CORIN: variants seen among roughly 807,000 people sequenced by gnomAD.
CORIN encodes the protein atrial natriuretic peptide-converting enzyme.
CORIN carries 117 observed loss-of-function variants against 125.3 expected under a neutral mutation model. That is an observed-to-expected ratio of 0.93 (90% CI 0.80 to 1.09). The LOEUF is 1.09. CORIN is among the 50% of genes least tolerant of loss of function. The pLI, the probability that CORIN is intolerant of heterozygous loss-of-function variation, is 0.00. For synonymous variants in CORIN, 450 were observed against 466.4 expected, an observed-to-expected ratio of 0.96 and a Z score of 0.45; for missense variants, 1,253 against 1,306.7, an observed-to-expected ratio of 0.96 and a Z score of 0.63.
intron 5 of CORIN, among the ~76,000 whole-genome samples, chr4:47,724,169 T>A (rs991080113): frequency 2.6e-5 from 4 of 151,862 alleles, no homozygotes; most frequent in African/African-American, 9.7e-5. Context: ...AAATTTGAAG[T>A]GAATGAAGGA....
intron 16 of CORIN, among the ~76,000 whole-genome samples, chr4:47,637,300 C>A (rs573158244): frequency 6.6e-6 from 1 of 152,094 alleles, no homozygotes; most frequent in Non-Finnish European, 1.5e-5. Flanking sequence ...TGCAGCGTGA[C>A]AATGCAATAG....
At chr4:47,768,353 GA>G (rs1729863690) in intron 3 of CORIN, among the ~76,000 whole-genome samples, 1 of 152,134 alleles carries the variant, frequency 6.6e-6, no homozygotes, top group Middle Eastern at 3.2e-3. Flanking sequence ...TTCCATCACA[GA>G]AAAGCCCAGG....
At chr4:47,665,353 C>A in intron 10 of CORIN, 90 bp from the exon 11 acceptor site, 1 of 932,832 alleles carries the variant, frequency 1.1e-6, no homozygotes, top group East Asian at 2.6e-5. Context: ...CTATTTTATT[C>A]TTTCTTTAGA....
chr4:47,736,558 G>T (rs972846010), intron 5 of CORIN, among the ~76,000 whole-genome samples: 2 of 152,096 alleles, frequency 1.3e-5, no homozygotes, highest in African/African-American at 4.8e-5. Context: ...TTGTGTCATG[G>T]GGGTTTGTTG....
chr4:47,779,690 C>G (rs765000481), intron 3 of CORIN, among the ~76,000 whole-genome samples: 15 of 152,140 alleles, frequency 9.9e-5, no homozygotes, highest in Non-Finnish European at 1.9e-4. Flanking sequence ...CCTGCCTCGG[C>G]CTCCCAAAGT....
At chr4:47,809,867 G>T (rs1319961500) in intron 1 of CORIN, among the ~76,000 whole-genome samples, 3 of 152,188 alleles carry the variant, frequency 2.0e-5, no homozygotes, top group Non-Finnish European at 4.4e-5. Context: ...GCCCTTGGAG[G>T]TTCCTCTGAA....
At chr4:47,669,351 C>G (rs555732133) in intron 10 of CORIN, among the ~76,000 whole-genome samples, 2 of 152,192 alleles carry the variant, frequency 1.3e-5, no homozygotes, top group South Asian at 2.1e-4. Context: ...CATCTAGCTG[C>G]GTATATAATA....
chr4:47,834,223 T>C (rs1344574564), intron 1 of CORIN, among the ~76,000 whole-genome samples: 1 of 152,078 alleles, frequency 6.6e-6, no homozygotes, highest in Non-Finnish European at 1.5e-5. Context: ...AAAAATGGGG[T>C]ATATATAAAC....
intron 1 of CORIN, among the ~76,000 whole-genome samples, chr4:47,833,129 A>C (rs1733142109): frequency 6.6e-6 from 1 of 151,978 alleles, no homozygotes; most frequent in Non-Finnish European, 1.5e-5. Context: ...AAGAAAAAAA[A>C]AAGCTAGAGG....
In CORIN at chr4:47,674,648, G is replaced by A. The variant is rs1256804050; in HGVS notation, c.1250-148C>T. On this transcript the variant is annotated intron_variant, in intron 9 of 21. Transcript: ENST00000273857. ...TCTCCAAAAGTATTGAACGTACGTT[G>A]AATAGGTGCTTTCTGGATTCATTTT... 1.0e-5 allele frequency: 6 copies of A among 590,158 alleles called. No homozygotes were observed. The African/African-American group carries it at 1.1e-4, about 11-fold the overall frequency. The allele number at this position is 590,158 out of a possible 1,614,324, so 36.6% of individuals were successfully genotyped here. A position where few individuals can be genotyped will look rare whatever the true frequency, so the allele number is the denominator to read the frequency against.
intron 1 of CORIN, among the ~76,000 whole-genome samples, chr4:47,837,093 C>G (rs1191532356): frequency 1.3e-5 from 2 of 152,250 alleles, no homozygotes; most frequent in Non-Finnish European, 2.9e-5. Flanking sequence ...CAACGCTGCC[C>G]CTTCCCAGGA....
At chr4:47,836,634 C>T (rs903691558) in intron 1 of CORIN, among the ~76,000 whole-genome samples, 3 of 152,348 alleles carry the variant, frequency 2.0e-5, no homozygotes, top group Admixed American at 2.0e-4. Flanking sequence ...GGGAGGAAAG[C>T]TCCACTTTAT....
At chr4:47,673,243 G>T (rs1173430759) in intron 10 of CORIN, among the ~76,000 whole-genome samples, 1 of 151,722 alleles carries the variant, frequency 6.6e-6, no homozygotes, top group African/African-American at 2.4e-5. Context: ...GGGTGTGGTG[G>T]TGTGTGCCTA....
Position 47,623,648 on chromosome 4 carries a change from ACT to A in CORIN, c.2461_2462del (p.Ser821Ter). 1 of 1,614,150 alleles carries A rather than the reference ACT, an allele frequency of 6.2e-7. No homozygotes were observed. The highest frequency in any genetic ancestry group is 1.6e-4 in the Middle Eastern group (1 of 6,062). ...AGCCACAGATATGTCCACTGGGTTC[ACT>A]CTGCAGAGAACACTGCCATGGCCAC... ...GRWPWQCSLQ[S>X]EPSGHICGCV... On this transcript the variant is annotated frameshift_variant, in exon 19 of 22. Coordinates refer to ENST00000273857, the MANE Select transcript of CORIN (RefSeq NM_006587.4). LOFTEE classifies it high-confidence loss of function.
chr4:47,706,739 G>T (rs1255948449), intron 5 of CORIN: 1 of 1,602,576 alleles, frequency 6.2e-7, no homozygotes, highest in Non-Finnish European at 8.5e-7. Context: ...CTGGGTTGGT[G>T]AAGATTCCAC....
At chr4:47,755,380 C>T (rs1315325784) in intron 4 of CORIN, among the ~76,000 whole-genome samples, 1 of 152,172 alleles carries the variant, frequency 6.6e-6, no homozygotes. Context: ...TTTCACACCC[C>T]CAGTTCCCTC....
intron 13 of CORIN, among the ~76,000 whole-genome samples, chr4:47,646,640 T>C (rs1195482440): frequency 6.6e-6 from 1 of 152,194 alleles, no homozygotes; most frequent in Non-Finnish European, 1.5e-5. Context: ...AAAATTTGAG[T>C]ACCTTCCACC....
At chr4:47,600,441 T>C in intron 20 of CORIN, 94 bp from the exon 21 acceptor site, 1 of 757,640 alleles carries the variant, frequency 1.3e-6, no homozygotes, top group Non-Finnish European at 1.9e-6. Context: ...GCAAATATAA[T>C]ATAAATATTT....
intron 12 of CORIN, among the ~76,000 whole-genome samples, chr4:47,658,316 G>A (rs946652243): frequency 6.6e-6 from 1 of 152,216 alleles, no homozygotes; most frequent in Admixed American, 6.5e-5. Context: ...GGGCTCCTAA[G>A]GCCTTGGGCA....
Sources: allele counts gnomAD v4.1 joint callset (sites outside exome capture counted in the v4.1 genomes callset), GRCh38; gene constraint gnomAD v4.1.1; transcripts MANE v1.5; gene names NCBI Gene and HGNC (gene_info 2026-07-23, HGNC 2026-07-21).